CYP7B1: variants seen among roughly 807,000 people sequenced by gnomAD.
CYP7B1 encodes cytochrome P450 7B1.
CYP7B1 carries 29 observed loss-of-function variants against 42.7 expected under a neutral mutation model. The observed-to-expected ratio is 0.68, with a 90% confidence interval of 0.51 to 0.93. CYP7B1 has a LOEUF of 0.93. CYP7B1 is among the 40% of genes least tolerant of loss of function. The probability of loss-of-function intolerance (pLI) is 0.00; values close to 1 mark genes in which losing one functional copy is unlikely to be tolerated. For synonymous variants in CYP7B1, 235 were observed against 218.2 expected, an observed-to-expected ratio of 1.08 and a Z score of -0.68; for missense variants, 655 against 600.5, an observed-to-expected ratio of 1.09 and a Z score of -0.95.
downstream of CYP7B1, among the ~76,000 whole-genome samples, chr8:64,589,521 T>C (rs1423032845): frequency 2.0e-5 from 3 of 152,220 alleles, no homozygotes; most frequent in African/African-American, 7.2e-5. Flanking sequence ...TATAAAACTT[T>C]AAATAAACTC....
chr8:64,708,470 T>A (rs991127862), intron 1 of CYP7B1, among the ~76,000 whole-genome samples: 1 of 152,160 alleles, frequency 6.6e-6, no homozygotes, highest in African/African-American at 2.4e-5. Context: ...TCCAAGAACA[T>A]CCACAAAGAT....
chr8:64,671,728 G>A (rs1050013194), intron 1 of CYP7B1, among the ~76,000 whole-genome samples: 1 of 152,050 alleles, frequency 6.6e-6, no homozygotes, highest in Admixed American at 6.6e-5. Context: ...CAATAAATGT[G>A]TGTATGGATA....
At chr8:64,601,305 A>G (rs1805199161) in intron 5 of CYP7B1, among the ~76,000 whole-genome samples, 1 of 152,196 alleles carries the variant, frequency 6.6e-6, no homozygotes, top group Admixed American at 6.5e-5. Flanking sequence ...TTGGAATTAC[A>G]TTGTTATTTC....
chr8:64,634,806 C>A (rs1805746828), intron 1 of CYP7B1, among the ~76,000 whole-genome samples: 1 of 151,912 alleles, frequency 6.6e-6, no homozygotes, highest in Admixed American at 6.6e-5. Context: ...AACTGTACTC[C>A]AAAAATGAAG....
intron 1 of CYP7B1, among the ~76,000 whole-genome samples, chr8:64,645,029 C>T (rs1045799158): frequency 9.3e-5 from 14 of 151,098 alleles, no homozygotes; most frequent in Non-Finnish European, 2.9e-5. Context: ...TTTGTCCTTG[C>T]AATAGTTTAC....
At chr8:64,641,079 T>C (rs1397879663) in intron 1 of CYP7B1, among the ~76,000 whole-genome samples, 1 of 152,190 alleles carries the variant, frequency 6.6e-6, no homozygotes, top group Non-Finnish European at 1.5e-5. Flanking sequence ...TGCAATAAAC[T>C]TGTACGAACA....
chr8:64,602,139 C>A (rs1170514453), intron 5 of CYP7B1, among the ~76,000 whole-genome samples: 1 of 152,186 alleles, frequency 6.6e-6, no homozygotes, highest in East Asian at 1.9e-4. Context: ...AGTCCTTCCT[C>A]TTCTGGAGCT....
chr8:64,654,639 A>G (rs1194015464), intron 1 of CYP7B1, among the ~76,000 whole-genome samples: 2 of 152,178 alleles, frequency 1.3e-5, no homozygotes, highest in Non-Finnish European at 2.9e-5. Context: ...TCAAACTACA[A>G]ATGACATTCT....
At chr8:64,764,458 A>C (rs1052338970) in intron 1 of CYP7B1, among the ~76,000 whole-genome samples, 3 of 152,200 alleles carry the variant, frequency 2.0e-5, no homozygotes, top group Admixed American at 6.5e-5. Context: ...AGAAGTAGTA[A>C]AGAAAAAACA....
chr8:64,616,478 G>A (rs944027702), intron 2 of CYP7B1, among the ~76,000 whole-genome samples, 197 bp from the exon 3 acceptor site: 10 of 152,108 alleles, frequency 6.6e-5, no homozygotes, highest in Non-Finnish European at 1.0e-4. Context: ...CTCTAGAAAC[G>A]TGAAGTTAAA....
intron 1 of CYP7B1, among the ~76,000 whole-genome samples, chr8:64,675,486 C>T (rs1806432400): frequency 1.3e-5 from 2 of 150,276 alleles, no homozygotes; most frequent in Non-Finnish European, 3.0e-5. Context: ...TTTTATATTA[C>T]TTATTAAGTA....
rs1806620716 is a variant in CYP7B1 at position 64,685,767 on chromosome 8, G to A, written c.123-61228C>T. Among the ~76,000 whole-genome samples the A allele has an allele frequency of 3.4e-5, 2 of 59,074 alleles. 1 individual carries two copies. Among genetic ancestry groups the A allele is most frequent in the Non-Finnish European group, 8.8e-5 (2 of 22,832 alleles). The allele number at this position is 59,074 out of a possible 152,430, so 38.8% of individuals were successfully genotyped here. ...CGCCCGGCAGCCACCCCATCCGGGA[G>A]GGAGGTGGGGGGGGGTCAGCCCCCC... On this transcript the variant is annotated intron_variant, in intron 1 of 5. Transcript: ENST00000310193.
intron 2 of CYP7B1, among the ~76,000 whole-genome samples, chr8:64,621,810 A>T (rs1805534597): frequency 6.9e-6 from 1 of 145,236 alleles, no homozygotes; most frequent in Admixed American, 7.1e-5. Flanking sequence ...ATCTCGGCTC[A>T]CTGCAACCTC....
chr8:64,795,764 C>G (rs1056194969), intron 1 of CYP7B1, among the ~76,000 whole-genome samples: 1 of 152,200 alleles, frequency 6.6e-6, no homozygotes, highest in African/African-American at 2.4e-5. Flanking sequence ...ACCCCACAGT[C>G]ACAACCCTAG....
At chr8:64,625,013 A>G (rs1026139535) in intron 1 of CYP7B1, among the ~76,000 whole-genome samples, 1 of 111,208 alleles carries the variant, frequency 9.0e-6, no homozygotes, top group South Asian at 3.0e-4. Flanking sequence ...TCGCTCTGTC[A>G]CCCAGGCTGG....
At chr8:64,665,986 C>T (rs941781649) in intron 1 of CYP7B1, among the ~76,000 whole-genome samples, 6 of 151,266 alleles carry the variant, frequency 4.0e-5, no homozygotes, top group African/African-American at 1.2e-4. Flanking sequence ...AATACACTCT[C>T]TAAATGCTCC....
chr8:64,716,832 AG>A (rs1807162496), intron 1 of CYP7B1, among the ~76,000 whole-genome samples: 1 of 152,216 alleles, frequency 6.6e-6, no homozygotes, highest in Non-Finnish European at 1.5e-5. Context: ...AGTTAGACTA[AG>A]GTGGTTGATA....
intron 1 of CYP7B1, among the ~76,000 whole-genome samples, chr8:64,786,624 G>C (rs956481310): frequency 6.6e-6 from 1 of 152,174 alleles, no homozygotes; most frequent in African/African-American, 2.4e-5. Context: ...TTGAGTGTCT[G>C]GCTTTTCCAG....
chr8:64,620,326 T>G, intron 2 of CYP7B1, among the ~76,000 whole-genome samples: 1 of 152,194 alleles, frequency 6.6e-6, no homozygotes, highest in East Asian at 1.9e-4. Context: ...ATGAGTCAAC[T>G]TTGTACTTTA....
Sources: gnomAD v4.1 joint callset for allele counts (sites outside exome capture counted in the v4.1 genomes callset) on GRCh38, gnomAD v4.1.1 for gene constraint, MANE v1.5 for transcripts, NCBI Gene and HGNC (gene_info 2026-07-23, HGNC 2026-07-21) for gene names.